Variants in ADCK1 observed in about 807,000 individuals in gnomAD.
ADCK1 encodes the protein aarF domain containing kinase 1.
A neutral mutation model predicts 52.3 loss-of-function variants in ADCK1; 41 were observed. The ratio of observed to expected loss-of-function variants is 0.78; its 90% CI spans 0.61 to 1.02. ADCK1 has a LOEUF of 1.02. Ranked by LOEUF, ADCK1 falls within the 50% of genes least tolerant of loss-of-function variation. The pLI is 0.00. For missense variants in ADCK1, 658 were observed against 679.5 expected (o/e 0.97, Z 0.35); for synonymous variants, 250 against 274.6 (o/e 0.91, Z 0.89).
intron 4 of ADCK1, among the ~76,000 whole-genome samples, chr14:77,870,817 C>T (rs1413285769): frequency 3.9e-5 from 6 of 152,218 alleles, no homozygotes; most frequent in African/African-American, 1.4e-4. Context: ...CATTTCCTCC[C>T]TGACTGGAAC....
chr14:77,881,031 G>A (rs1468095884), intron 4 of ADCK1, among the ~76,000 whole-genome samples: 1 of 152,248 alleles, frequency 6.6e-6, no homozygotes, highest in Non-Finnish European at 1.5e-5. Flanking sequence ...ATGGACTGGT[G>A]ATGTCTGGCA....
intron 7 of ADCK1, chr14:77,914,563 T>G (rs1595080130): frequency 1.0e-6 from 1 of 985,032 alleles, no homozygotes; most frequent in Non-Finnish European, 1.2e-6. Flanking sequence ...TGGGGCTGGG[T>G]GAGGCTTTAT....
chr14:77,903,539 C>A (rs546353647), intron 6 of ADCK1, among the ~76,000 whole-genome samples: 67 of 152,304 alleles, frequency 4.4e-4, no homozygotes, highest in African/African-American at 1.6e-3. Context: ...TGATTAAGGC[C>A]AGGCTTAGTG....
intron 3 of ADCK1, among the ~76,000 whole-genome samples, chr14:77,846,778 G>A (rs752957869): frequency 4.6e-5 from 7 of 152,190 alleles, no homozygotes; most frequent in Admixed American, 1.3e-4. Flanking sequence ...TCCCAGACTC[G>A]TTTGGTTGCA....
chr14:77,856,252 A>G (rs923909163), intron 3 of ADCK1, among the ~76,000 whole-genome samples: 6 of 152,184 alleles, frequency 3.9e-5, no homozygotes, highest in Admixed American at 3.3e-4. Flanking sequence ...CTTATATAGA[A>G]GAAAAAAATA....
intron 3 of ADCK1, among the ~76,000 whole-genome samples, chr14:77,825,007 C>G (rs1290479507): frequency 6.6e-6 from 1 of 152,200 alleles, no homozygotes; most frequent in Non-Finnish European, 1.5e-5. Context: ...TTGAAACATA[C>G]AAAATGACCC....
At chr14:77,823,333 C>T (rs1445582336) in intron 3 of ADCK1, among the ~76,000 whole-genome samples, 4 of 152,172 alleles carry the variant, frequency 2.6e-5, no homozygotes, top group Admixed American at 6.5e-5. Flanking sequence ...GAAAAGTCCT[C>T]GTCATCCTTC....
intron 2 of ADCK1, chr14:77,821,214 A>G (rs957624737): frequency 1.3e-5 from 2 of 152,106 alleles, no homozygotes; most frequent in Non-Finnish European, 2.9e-5. Context: ...TGGATCAGGA[A>G]TGGAATCTTA....
At chr14:77,834,213 A>G (rs1566649043) in intron 3 of ADCK1, among the ~76,000 whole-genome samples, 1 of 152,114 alleles carries the variant, frequency 6.6e-6, no homozygotes, top group Non-Finnish European at 1.5e-5. Flanking sequence ...GCTTTGTTCT[A>G]AGCAAAAATA....
intron 3 of ADCK1, among the ~76,000 whole-genome samples, chr14:77,832,623 A>C (rs2081880399): frequency 3.3e-5 from 5 of 152,164 alleles, no homozygotes; most frequent in Admixed American, 2.0e-4. Flanking sequence ...AAGTTCCTTT[A>C]CTCATTTAAT....
intron 3 of ADCK1, among the ~76,000 whole-genome samples, chr14:77,851,222 ATTC>A (rs1278348828): frequency 1.3e-5 from 2 of 151,616 alleles, no homozygotes; most frequent in Non-Finnish European, 2.9e-5. Flanking sequence ...GGTTCAAGCA[ATTC>A]TTCTGCCTCA....
chr14:77,866,881 G>GC lies in ADCK1; in HGVS notation c.423+7606dup, dbSNP rs545757229. On this transcript the variant is annotated intron_variant, in intron 4 of 10. Coordinates refer to ENST00000238561, the MANE Select transcript of ADCK1 (RefSeq NM_020421.4). Reference sequence around the variant, plus strand: ...GTTAGAGCAGAAGCGGGGCAGGAGAGCCCCTCCTACCCTGGGGTCTGACTC... The same window carrying GC: ...GTTAGAGCAGAAGCGGGGCAGGAGAGCCCCCTCCTACCCTGGGGTCTGACTC... Among the ~76,000 whole-genome samples, 128 of 152,242 alleles carry GC rather than the reference G, an allele frequency of 8.4e-4. 1 individual carries two copies. The highest frequency in any genetic ancestry group is 7.8e-3 in the Admixed American group (119 of 15,296).
At chr14:77,874,541 T>G (rs1240828271) in intron 4 of ADCK1, among the ~76,000 whole-genome samples, 1 of 152,146 alleles carries the variant, frequency 6.6e-6, no homozygotes, top group African/African-American at 2.4e-5. Flanking sequence ...GAGGCCTATG[T>G]CTCCCAGGCT....
intron 5 of ADCK1, among the ~76,000 whole-genome samples, chr14:77,898,752 C>G (rs569339972): frequency 3.9e-5 from 6 of 152,188 alleles, no homozygotes; most frequent in African/African-American, 1.4e-4. Context: ...CACACGTTTA[C>G]CTATGAAACA....
intron 1 of ADCK1, among the ~76,000 whole-genome samples, chr14:77,818,487 G>A (rs931070522): frequency 1.3e-5 from 2 of 152,048 alleles, no homozygotes; most frequent in Admixed American, 1.3e-4. Context: ...TCGTCTTGTT[G>A]CCCAGGCTGG....
chr14:77,863,584 C>G (rs1168509532), intron 4 of ADCK1, among the ~76,000 whole-genome samples: 1 of 152,102 alleles, frequency 6.6e-6, no homozygotes, highest in Non-Finnish European at 1.5e-5. Context: ...TGCCTGTAAT[C>G]CCAGCACTTT....
At chr14:77,901,343 C>G (rs1276324144) in intron 6 of ADCK1, among the ~76,000 whole-genome samples, 1 of 148,952 alleles carries the variant, frequency 6.7e-6, no homozygotes, top group Admixed American at 6.7e-5. Context: ...AGCCACTGCT[C>G]CTGGCCCTGG....
chr14:77,869,757 C>T (rs898877147), intron 4 of ADCK1, among the ~76,000 whole-genome samples: 1 of 152,168 alleles, frequency 6.6e-6, no homozygotes, highest in African/African-American at 2.4e-5. Context: ...ACTCTTGTAT[C>T]TCTCCCAGCA....
chr14:77,826,937 A>G (rs1398872609), intron 3 of ADCK1, among the ~76,000 whole-genome samples: 1 of 152,138 alleles, frequency 6.6e-6, no homozygotes, highest in Non-Finnish European at 1.5e-5. Flanking sequence ...TTCTGGGAAG[A>G]GCAGCTCTCT....
Sources: gnomAD v4.1 joint callset for allele counts (sites outside exome capture counted in the v4.1 genomes callset) on GRCh38, gnomAD v4.1.1 for gene constraint, MANE v1.5 for transcripts, NCBI Gene and HGNC (gene_info 2026-07-23, HGNC 2026-07-21) for gene names.